ADAMTS12: variants seen among roughly 807,000 people sequenced by gnomAD.
ADAMTS12 encodes the protein ADAM metallopeptidase with thrombospondin type 1 motif 12, also known as A disintegrin and metalloproteinase with thrombospondin motifs 12.
In ADAMTS12, 118 loss-of-function variants were observed where a neutral mutation model predicts 167.8. The ratio of observed to expected loss-of-function variants is 0.70; its 90% CI spans 0.61 to 0.82. ADAMTS12 has a LOEUF of 0.82. ADAMTS12 is among the 40% of genes least tolerant of loss of function. ADAMTS12 has a pLI of 0.00. For synonymous variants in ADAMTS12, 704 were observed against 716.9 expected, an observed-to-expected ratio of 0.98 and a Z score of 0.29; for missense variants, 1,916 against 1,998.8, an observed-to-expected ratio of 0.96 and a Z score of 0.79.
At chr5:33,659,693 A>G (rs1741186890) in intron 6 of ADAMTS12, among the ~76,000 whole-genome samples, 2 of 152,220 alleles carry the variant, frequency 1.3e-5, no homozygotes, top group Admixed American at 1.3e-4. Flanking sequence ...TGTAACAGAA[A>G]ATATGCCTTG....
chr5:33,716,533 T>G (rs937485182), intron 3 of ADAMTS12, among the ~76,000 whole-genome samples: 7 of 152,158 alleles, frequency 4.6e-5, no homozygotes, highest in African/African-American at 1.7e-4. Context: ...TCGCTTATTA[T>G]ATACACATTA....
rs144396564 is a variant in ADAMTS12, at chr5:33,581,832, A to G, written c.2866-4672T>C. Among the ~76,000 whole-genome samples the G allele has an allele frequency of 4.2e-3, 634 of 152,318 alleles. 7 individuals carry two copies. Among genetic ancestry groups the G allele is most frequent in the African/African-American group, 0.014 (597 of 41,580 alleles). On this transcript the variant is annotated intron_variant, in intron 18 of 23. Coordinates refer to ENST00000504830, the MANE Select transcript of ADAMTS12 (RefSeq NM_030955.4). ...ATTAGGGTGGGCCCTAATGGTATCC[A>G]CATCAAAAGGGGAATCTGAACACAG... is the stretch of plus-strand genomic sequence containing the variant.
At chr5:33,596,506 AC>A (rs1258539236) in intron 16 of ADAMTS12, among the ~76,000 whole-genome samples, 2 of 152,034 alleles carry the variant, frequency 1.3e-5, no homozygotes, top group African/African-American at 2.4e-5. Flanking sequence ...AAATGGTGAA[AC>A]CCCATCTCTA....
intron 3 of ADAMTS12, among the ~76,000 whole-genome samples, chr5:33,711,484 G>A (rs1743402114): frequency 6.6e-6 from 1 of 152,042 alleles, no homozygotes; most frequent in Admixed American, 6.6e-5. Context: ...GGCCCTGTCA[G>A]GTCTCACACC....
intron 2 of ADAMTS12, among the ~76,000 whole-genome samples, chr5:33,797,317 C>A (rs1424097929): frequency 6.6e-6 from 1 of 152,078 alleles, no homozygotes. Context: ...GCCATTGACA[C>A]TGGAGACTAA....
intron 13 of ADAMTS12, 92 bp from the exon 14 acceptor site, chr5:33,624,443 A>T (rs1485645970): frequency 6.4e-7 from 1 of 1,559,582 alleles, no homozygotes. Context: ...TTGGTGCTTC[A>T]TAAGACTGGG....
rs1254591299 is a variant in ADAMTS12, at chr5:33,751,461, T to C, written c.577A>G (p.Ile193Val). 2 of 1,614,052 alleles carry C rather than the reference T, an allele frequency of 1.2e-6. No homozygotes were observed. The highest frequency in any genetic ancestry group is 1.7e-5 in the Admixed American group (1 of 60,008). The change falls in exon 3 of 24, where the codon ATC becomes GTC. Residue 193 changes from isoleucine (I) to valine (V), a missense_variant. Coordinates refer to ENST00000504830, the MANE Select transcript of ADAMTS12 (RefSeq NM_030955.4). ...PLVEGGYHPH[I>V]VYRRQKVPET... ...GGAACTTTCTGCCTCCTGTAAACGA[T>C]GTGCGGGTGGTACCCTCCCTCAACC...
intron 3 of ADAMTS12, among the ~76,000 whole-genome samples, chr5:33,748,211 A>T (rs1744857949): frequency 6.6e-6 from 1 of 152,190 alleles, no homozygotes; most frequent in South Asian, 2.1e-4. Flanking sequence ...CTCAAATCCC[A>T]GTGTGATCAT....
At chr5:33,552,001 A>G (rs538544840) in intron 20 of ADAMTS12, among the ~76,000 whole-genome samples, 73 of 152,352 alleles carry the variant, frequency 4.8e-4, no homozygotes, top group African/African-American at 1.7e-3. Context: ...CAGGCTAATG[A>G]GAACAGAAAG....
chr5:33,611,048 G>GA (rs58392898), intron 16 of ADAMTS12, among the ~76,000 whole-genome samples: 6,073 of 149,988 alleles, frequency 0.04, 280 homozygotes, highest in African/African-American at 0.12. Flanking sequence ...CTGGGTGACA[G>GA]AAAAAAAAAG....
At chr5:33,634,590 C>T (rs1479639523) in intron 12 of ADAMTS12, among the ~76,000 whole-genome samples, 8 of 152,078 alleles carry the variant, frequency 5.3e-5, no homozygotes. Flanking sequence ...AAAATGAAAA[C>T]TTGTCACTCT....
intron 2 of ADAMTS12, among the ~76,000 whole-genome samples, chr5:33,874,260 A>T (rs984369336): frequency 6.6e-6 from 1 of 152,246 alleles, no homozygotes; most frequent in Admixed American, 6.5e-5. Context: ...AAAAACTAGA[A>T]CAAAGACCTT....
intron 2 of ADAMTS12, among the ~76,000 whole-genome samples, chr5:33,862,234 C>T (rs965217238): frequency 1.3e-5 from 2 of 152,046 alleles, no homozygotes; most frequent in African/African-American, 4.8e-5. Flanking sequence ...ATCAATGAAT[C>T]CAGGAGCTGA....
chr5:33,546,306 A>C, intron 21 of ADAMTS12, 104 bp from the exon 22 acceptor site: 1 of 1,095,074 alleles, frequency 9.1e-7, no homozygotes, highest in South Asian at 2.7e-5. Context: ...CAGTGTTACT[A>C]GGAATATTGG....
At chr5:33,725,892 C>A (rs1215484258) in intron 3 of ADAMTS12, among the ~76,000 whole-genome samples, 1 of 152,210 alleles carries the variant, frequency 6.6e-6, no homozygotes, top group African/African-American at 2.4e-5. Flanking sequence ...ACTCAAAAAT[C>A]TGCAACTTAA....
intron 22 of ADAMTS12, among the ~76,000 whole-genome samples, chr5:33,541,011 G>A (rs1256097188): frequency 2.6e-5 from 4 of 152,080 alleles, no homozygotes; most frequent in Non-Finnish European, 4.4e-5. Flanking sequence ...AGTAGGCTTC[G>A]GAAGGTCAGT....
At chr5:33,536,108 G>C (rs1372077475) in intron 22 of ADAMTS12, among the ~76,000 whole-genome samples, 1 of 152,070 alleles carries the variant, frequency 6.6e-6, no homozygotes, top group Non-Finnish European at 1.5e-5. Flanking sequence ...TATTTTTTGA[G>C]GTAAAATATA....
intron 2 of ADAMTS12, among the ~76,000 whole-genome samples, chr5:33,797,131 G>A (rs1208264294): frequency 6.6e-6 from 1 of 152,162 alleles, no homozygotes; most frequent in South Asian, 2.1e-4. Context: ...ATGTGAACAA[G>A]CAACTCTTTA....
chr5:33,693,675 T>TC (rs1651347728), intron 3 of ADAMTS12, among the ~76,000 whole-genome samples: 5 of 151,878 alleles, frequency 3.3e-5, no homozygotes, highest in East Asian at 1.9e-4. Context: ...CCTCACAATA[T>TC]AAAGAGTCAC....
Sources: gnomAD v4.1 joint callset for allele counts (sites outside exome capture counted in the v4.1 genomes callset) on GRCh38, gnomAD v4.1.1 for gene constraint, MANE v1.5 for transcripts, NCBI Gene and HGNC (gene_info 2026-07-23, HGNC 2026-07-21) for gene names.